The following OPCML variants were observed in gnomAD, a reference collection of about 807,000 sequenced individuals.
OPCML encodes opioid-binding protein/cell adhesion molecule.
OPCML carries 13 observed loss-of-function variants against 37.8 expected under a neutral mutation model. That is an observed-to-expected ratio of 0.34 (90% CI 0.22 to 0.55). The LOEUF is 0.55. OPCML is among the 20% of genes least tolerant of loss of function. The pLI is 0.91. For missense variants in OPCML, 341 were observed against 435.6 expected, an observed-to-expected ratio of 0.78 and a Z score of 1.93; for synonymous variants, 176 against 168.8, an observed-to-expected ratio of 1.04 and a Z score of -0.33.
chr11:132,924,810 G>A (rs994615007), intron 2 of OPCML, among the ~76,000 whole-genome samples: 9 of 152,144 alleles, frequency 5.9e-5, no homozygotes, highest in African/African-American at 1.4e-4. Context: ...TTTGGTGTCC[G>A]GCATTAATCT....
chr11:132,461,275 G>C (rs1246117685), intron 4 of OPCML, among the ~76,000 whole-genome samples: 1 of 152,052 alleles, frequency 6.6e-6, no homozygotes, highest in Admixed American at 6.6e-5. Context: ...AAGCAACCAA[G>C]CATATGGAGG....
At chr11:132,755,469 A>G (rs1946004727) in intron 2 of OPCML, among the ~76,000 whole-genome samples, 1 of 152,222 alleles carries the variant, frequency 6.6e-6, no homozygotes, top group African/African-American at 2.4e-5. Context: ...GATCCTATCA[A>G]GAACCATATA....
At chr11:132,795,787 T>C (rs920876334) in intron 2 of OPCML, among the ~76,000 whole-genome samples, 12 of 152,254 alleles carry the variant, frequency 7.9e-5, no homozygotes, top group African/African-American at 2.6e-4. Context: ...GATGAGAAAA[T>C]TGGGTCTGAG....
intron 1 of OPCML, among the ~76,000 whole-genome samples, chr11:133,469,623 G>A (rs1192647323): frequency 6.6e-6 from 1 of 152,078 alleles, no homozygotes; most frequent in Non-Finnish European, 1.5e-5. Context: ...ACAAGGCCTT[G>A]AGGAGTTCTC....
intron 1 of OPCML, among the ~76,000 whole-genome samples, chr11:133,384,242 C>T (rs866529488): frequency 2.4e-5 from 2 of 84,658 alleles, no homozygotes; most frequent in Non-Finnish European, 3.9e-5. Context: ...CCAAAGGCCA[C>T]TGTGCAAAAA....
intron 3 of OPCML, among the ~76,000 whole-genome samples, chr11:132,547,871 T>A (rs11223110): frequency 0.45 from 68,983 of 151,916 alleles, 15,920 homozygotes; most frequent in East Asian, 0.64. Context: ...TGGTGGAAAG[T>A]GAAGGAGAGA....
intron 3 of OPCML, among the ~76,000 whole-genome samples, chr11:132,559,527 T>A (rs950116119): frequency 6.6e-6 from 1 of 152,218 alleles, no homozygotes; most frequent in Admixed American, 6.5e-5. Context: ...GGGGGCATTC[T>A]GCTTTTTATT....
chr11:133,145,334 C>A (rs906187682), intron 1 of OPCML, among the ~76,000 whole-genome samples: 9 of 152,050 alleles, frequency 5.9e-5, no homozygotes, highest in African/African-American at 2.2e-4. Flanking sequence ...AAGTTAGATG[C>A]AATGTTGACT....
In OPCML at chr11:132,885,949, C is replaced by T. The variant is rs530240399; in HGVS notation, c.146+56977G>A. On this transcript the variant is annotated intron_variant, in intron 2 of 7. Transcript: ENST00000524381. ...ATGTCCCACGAGACAGAAACACACA[C>T]ACACAAACACACAATTTCCTTTGCC... is the stretch of plus-strand genomic sequence containing the variant. Among the ~76,000 whole-genome samples the T allele has an allele frequency of 3.3e-5, 5 of 152,278 alleles. No individual in the cohort carries two copies. The East Asian group carries it at 7.7e-4, about 24-fold the overall frequency.
intron 3 of OPCML, among the ~76,000 whole-genome samples, chr11:132,555,274 A>G (rs912471698): frequency 6.6e-6 from 1 of 152,146 alleles, no homozygotes; most frequent in Admixed American, 6.5e-5. Flanking sequence ...TCAGTTCCAC[A>G]TGGCTGGGGA....
At chr11:133,515,541 G>A (rs1338398481) in intron 1 of OPCML, among the ~76,000 whole-genome samples, 1 of 152,216 alleles carries the variant, frequency 6.6e-6, no homozygotes, top group Non-Finnish European at 1.5e-5. Flanking sequence ...TCAAGTTCGA[G>A]AAGCTAATAC....
chr11:133,490,333 A>G (rs925772170), intron 1 of OPCML, among the ~76,000 whole-genome samples: 5 of 152,178 alleles, frequency 3.3e-5, no homozygotes, highest in African/African-American at 1.2e-4. Context: ...GTAGTTCAAT[A>G]TTTCACTGTG....
intron 2 of OPCML, among the ~76,000 whole-genome samples, chr11:132,854,524 C>A (rs934130938): frequency 6.6e-6 from 1 of 152,214 alleles, no homozygotes; most frequent in African/African-American, 2.4e-5. Context: ...TATCCTGAGG[C>A]TAAGCAGGAG....
intron 2 of OPCML, among the ~76,000 whole-genome samples, chr11:132,857,890 C>T (rs1942124874): frequency 6.6e-6 from 1 of 152,050 alleles, no homozygotes; most frequent in South Asian, 2.1e-4. Flanking sequence ...TGTAAAAAGG[C>T]CCCGAGACCA....
chr11:132,447,464 A>ATTTTTTT (rs537083917), intron 4 of OPCML, among the ~76,000 whole-genome samples: 1 of 142,614 alleles, frequency 7.0e-6, no homozygotes. Flanking sequence ...TGCCCAGTTA[A>ATTTTTTT]TTTTTTTTTT....
chr11:132,645,713 G>A (rs1401891258), intron 3 of OPCML, among the ~76,000 whole-genome samples: 1 of 152,086 alleles, frequency 6.6e-6, no homozygotes, highest in Non-Finnish European at 1.5e-5. Flanking sequence ...CTAAAATTGT[G>A]CAATATGATA....
chr11:133,499,837 T>C (rs1373939088), intron 1 of OPCML, among the ~76,000 whole-genome samples: 1 of 140,736 alleles, frequency 7.1e-6, no homozygotes, highest in East Asian at 2.0e-4. Context: ...TATATATGTG[T>C]ATGTATATAT....
At chr11:132,794,312 T>G (rs1938154538) in intron 2 of OPCML, among the ~76,000 whole-genome samples, 1 of 152,210 alleles carries the variant, frequency 6.6e-6, no homozygotes, top group Non-Finnish European at 1.5e-5. Flanking sequence ...CAGGATTTTG[T>G]GTACACTGAA....
At chr11:133,228,271 G>A (rs564814556) in intron 1 of OPCML, among the ~76,000 whole-genome samples, 1 of 152,280 alleles carries the variant, frequency 6.6e-6, no homozygotes, top group South Asian at 2.1e-4. Context: ...AATAACATGA[G>A]GAGGTGAGCA....
Sources: gnomAD v4.1 joint callset for allele counts (sites outside exome capture counted in the v4.1 genomes callset) on GRCh38, gnomAD v4.1.1 for gene constraint, MANE v1.5 for transcripts, NCBI Gene and HGNC (gene_info 2026-07-23, HGNC 2026-07-21) for gene names.